Variants in FAM83E observed in about 807,000 individuals in gnomAD.
FAM83E encodes the protein protein FAM83E.
Under a neutral mutation model 34.3 loss-of-function variants are expected in FAM83E, and 29 were observed. That is an observed-to-expected ratio of 0.85 (90% CI 0.63 to 1.15). The LOEUF is 1.15. Among genes scored for constraint, FAM83E ranks in the 50% most tolerant of loss-of-function variants. The pLI is 0.00. For synonymous variants in FAM83E, 312 were observed against 311.6 expected (o/e 1.00, Z -0.01); for missense variants, 697 against 685.0 (o/e 1.02, Z -0.20).
rs1974025688 is a variant in FAM83E, at chr19:48,610,738, T to C, written c.575A>G (p.Gln192Arg). 1 of 1,587,610 alleles carries C rather than the reference T, an allele frequency of 6.3e-7. No homozygotes were observed. ...VPVYLLLDRQ[Q>R]LPAFLELAQQ... Reference sequence around the variant, plus strand: ...GGCCAGTTCCAGGAAGGCAGGCAGCTGCTGGCGGTCCAGGAGCAGGTAGAC... The same window carrying C: ...GGCCAGTTCCAGGAAGGCAGGCAGCCGCTGGCGGTCCAGGAGCAGGTAGAC... Residue 192 changes from glutamine (Q) to arginine (R), a missense_variant, in exon 4 of 7, where the codon CAG (glutamine) becomes CGG (arginine). Coordinates refer to ENST00000263266, the MANE Select transcript of FAM83E (RefSeq NM_017708.4).
rs1276345758 is a variant in FAM83E, at chr19:48,601,156, T to G, written c.1390A>C (p.Arg464=). The stretch of plus-strand genomic sequence containing the variant: ...GCCCGGGGGGCCCAGTCTGACGGCC[T>G]GACGCCTCTGGGCTCTTGAAGTTTG... ...TFKLQEPRGV[R]PSDWAPRAGL... Residue 464 remains arginine (R), a synonymous_variant, in exon 7 of 7, where the codon AGG becomes CGG. Transcript: ENST00000263266. The G allele has an allele frequency of 6.2e-7, 1 of 1,613,220 alleles. No homozygotes were observed. Among genetic ancestry groups the G allele is most frequent in the Admixed American group, 1.7e-5 (1 of 59,888 alleles).
intron 3 of FAM83E, among the ~76,000 whole-genome samples, chr19:48,611,162 T>TGTG (rs780748253): frequency 6.6e-6 from 1 of 151,270 alleles, no homozygotes; most frequent in Non-Finnish European, 1.5e-5. Flanking sequence ...TTGTTGTTGT[T>TGTG]GTTTTTTGTT....
chr19:48,602,942 C>G (rs7251776), intron 6 of FAM83E, among the ~76,000 whole-genome samples: 8,919 of 149,438 alleles, frequency 0.06, 901 homozygotes, highest in African/African-American at 0.2. Context: ...ACCGCCGCCT[C>G]CCTGGCTCAA....
At position 48,614,698 on chromosome 19, in the gene FAM83E, C is replaced by T. The variant is rs1974115240; in HGVS notation, c.-1256+10G>A. The T allele has an allele frequency of 2.0e-5, 20 of 985,288 alleles. No homozygotes were observed. The highest frequency in any genetic ancestry group is 1.1e-4 in the East Asian group (1 of 8,780). The allele number at this position is 985,288 out of a possible 1,614,324, so 61.0% of individuals were successfully genotyped here. On this transcript the variant is annotated intron_variant, in intron 2 of 6. Transcript: ENST00000263266. Reference sequence around the variant, plus strand: ...CACCCTCACCCATCCCCCCCATCGCCGGGGCTCACCCACACCGGCTAGTGC... The same window carrying T: ...CACCCTCACCCATCCCCCCCATCGCTGGGGCTCACCCACACCGGCTAGTGC...
intron 3 of FAM83E, 143 bp downstream of exon 3, chr19:48,612,765 G>T (rs1974066371): frequency 2.1e-6 from 2 of 949,310 alleles, no homozygotes; most frequent in African/African-American, 3.3e-5. Context: ...CCTGGGGCTG[G>T]AAGGTGTGCA....
rs1568420921 is a variant in FAM83E at position 48,609,978 on chromosome 19, C to T, written c.656G>A (p.Arg219Gln). ...NTENVDVRVV[R>Q]GCSFQSRWRR... is the part of the protein sequence containing the mutation. ...CCAGCGGCTCTGGAAGCTGCAGCCC[C>T]GCACGACACGGACATCCACGTTCTG... Residue 219 changes from arginine (R) to glutamine (Q), a missense_variant, in exon 5 of 7, where the codon CGG (arginine) becomes CAG (glutamine). Transcript: ENST00000263266. 1.9e-6 allele frequency: 3 copies of T among 1,612,604 alleles called. No individual in the cohort carries two copies. The highest frequency in any genetic ancestry group is 1.7e-5 in the Admixed American group (1 of 60,008).
Position 48,600,984 on chromosome 19 carries a change from C to T in FAM83E, c.*125G>A, listed in dbSNP as rs1973799902. 6.8e-7 allele frequency: 1 copy of T among 1,476,122 alleles called. No individual in the cohort carries two copies. Among genetic ancestry groups the T allele is most frequent in the Non-Finnish European group, 8.9e-7 (1 of 1,121,158 alleles). The allele number at this position is 1,476,122 out of a possible 1,614,324, so 91.4% of individuals were successfully genotyped here. A position where few individuals can be genotyped will look rare whatever the true frequency, so the allele number is the denominator to read the frequency against. On this transcript the variant is annotated 3_prime_UTR_variant, in exon 7 of 7. Coordinates refer to ENST00000263266, the MANE Select transcript of FAM83E (RefSeq NM_017708.4). Reference sequence around the variant, plus strand: ...GCAGAACAAGTGACAAACATCCCTTCTGCTTGACAGACGCCGAGGCCAGAA... The same window carrying T: ...GCAGAACAAGTGACAAACATCCCTTTTGCTTGACAGACGCCGAGGCCAGAA...
In FAM83E at chr19:48,614,694, T is replaced by TCACCCATCCCCCCCAA; in HGVS notation, c.-1256+13_-1256+14insTTGGGGGGGATGGGTG. On this transcript the variant is annotated intron_variant, in intron 2 of 6. Transcript: ENST00000263266. ...GCCCCACCCTCACCCATCCCCCCCA[T>TCACCCATCCCCCCCAA]CGCCGGGGCTCACCCACACCGGCTA... is the stretch of plus-strand genomic sequence containing the variant. 1.4e-5 allele frequency: 4 copies of TCACCCATCCCCCCCAA among 295,528 alleles called. No homozygotes were observed. The highest frequency in any genetic ancestry group is 1.4e-5 in the Non-Finnish European group (3 of 212,042). 18.3% of individuals were successfully genotyped at this position (295,528 alleles called of 1,614,324 possible). A position where few individuals can be genotyped will look rare whatever the true frequency, so the allele number is the denominator to read the frequency against.
At chr19:48,601,475 T>G in intron 6 of FAM83E, 106 bp from the exon 7 acceptor site, 1 of 1,483,466 alleles carries the variant, frequency 6.7e-7, no homozygotes, top group Non-Finnish European at 9.0e-7. Context: ...GCAGCGAAAG[T>G]GACAGACGGC....
chr19:48,601,388 G>T lies in FAM83E; in HGVS notation c.1177-19C>A. 6.4e-7 allele frequency: 1 copy of T among 1,555,608 alleles called. No individual in the cohort carries two copies. Among genetic ancestry groups the T allele is most frequent in the South Asian group, 1.2e-5 (1 of 84,404 alleles). ...TCTTGAGCTGTGGAGGGAAAGAGAG[G>T]GAGGTGAGAGGAGGCTGGGGTGGGG... is the stretch of plus-strand genomic sequence containing the variant. On this transcript the variant is annotated intron_variant, in intron 6 of 6. Coordinates refer to ENST00000263266, the MANE Select transcript of FAM83E (RefSeq NM_017708.4).
At chr19:48,606,792 C>T in intron 5 of FAM83E, 1 of 672,088 alleles carries the variant, frequency 1.5e-6, no homozygotes, top group South Asian at 2.0e-5. Context: ...CACCTCCATC[C>T]CCAGGACTTA....
intron 3 of FAM83E, among the ~76,000 whole-genome samples, chr19:48,611,962 G>T (rs773205936): frequency 1.4e-4 from 21 of 152,138 alleles, no homozygotes; most frequent in South Asian, 4.1e-4. Context: ...CCACCGTGGC[G>T]AACTTGGGGG....
intron 3 of FAM83E, among the ~76,000 whole-genome samples, chr19:48,611,870 C>T (rs533393362): frequency 6.6e-6 from 1 of 152,152 alleles, no homozygotes; most frequent in Admixed American, 6.5e-5. Flanking sequence ...GGTGGATGTC[C>T]CGTAGGGCAC....
At chr19:48,609,339 G>A (rs959327932) in intron 5 of FAM83E, among the ~76,000 whole-genome samples, 2 of 139,480 alleles carry the variant, frequency 1.4e-5, no homozygotes, top group South Asian at 2.5e-4. Flanking sequence ...GTGCGACAGC[G>A]CGATCTCGGC....
chr19:48,607,287 G>A (rs1376100584), intron 5 of FAM83E: 15 of 1,599,758 alleles, frequency 9.4e-6, no homozygotes, highest in Non-Finnish European at 1.3e-5. Flanking sequence ...CGAGCAGCCA[G>A]ACAGTGGGGG....
At position 48,600,800 on chromosome 19, in the gene FAM83E, C is replaced by T. The variant is rs1183120390; in HGVS notation, c.*309G>A. 5.5e-5 allele frequency: 15 copies of T among 270,374 alleles called. No individual in the cohort carries two copies. The highest frequency in any genetic ancestry group is 1.3e-3 in the Middle Eastern group (1 of 770). The allele number at this position is 270,374 out of a possible 1,614,324, so 16.7% of individuals were successfully genotyped here. On this transcript the variant is annotated 3_prime_UTR_variant, in exon 7 of 7. Transcript: ENST00000263266. The stretch of plus-strand genomic sequence containing the variant: ...CTGCGTAGCTGGGACCACAGGCGTG[C>T]GCCACCACACCCAACTAATTTGTTT...
chr19:48,602,755 C>CTATATT (rs1973849365), intron 6 of FAM83E, among the ~76,000 whole-genome samples: 1 of 79,924 alleles, frequency 1.3e-5, no homozygotes, highest in Non-Finnish European at 2.3e-5. Flanking sequence ...ATATATATAG[C>CTATATT]TTTCTTTGGC....
rs1201698621 is a variant in FAM83E, at chr19:48,601,369, G to A, written c.1177C>T (p.Leu393Phe). 3.8e-6 allele frequency: 6 copies of A among 1,561,234 alleles called. No homozygotes were observed. The highest frequency in any genetic ancestry group is 5.2e-6 in the Non-Finnish European group (6 of 1,152,074). ...TCCTTGGAGCCCCAGGATTTCTTGAGCTGTGGAGGGAAAGAGAGGGAGGTG... is the reference window on the plus strand; with the variant it reads ...TCCTTGGAGCCCCAGGATTTCTTGAACTGTGGAGGGAAAGAGAGGGAGGTG... ...LSGSSDGDNELKKSWGSKDTP... is the reference protein window; with the variant it reads ...LSGSSDGDNEFKKSWGSKDTP... Residue 393 changes from leucine to phenylalanine, a missense_variant and splice_region_variant, in exon 7 of 7, where the codon CTC becomes TTC. By Grantham distance (22) the Leu-to-Phe change is conservative. Coordinates refer to ENST00000263266, the MANE Select transcript of FAM83E (RefSeq NM_017708.4).
In FAM83E at chr19:48,600,817, A is replaced by G; in HGVS notation, c.*292T>C. On this transcript the variant is annotated 3_prime_UTR_variant, in exon 7 of 7. Transcript: ENST00000263266. ...CAGGCGTGCGCCACCACACCCAACT[A>G]ATTTGTTTTTTTAATTGTAGAGATG... 6.4e-6 allele frequency: 2 copies of G among 313,800 alleles called. No individual in the cohort carries two copies. Among genetic ancestry groups the G allele is most frequent in the Non-Finnish European group, 1.1e-5 (2 of 183,112 alleles). 19.4% of individuals were successfully genotyped at this position (313,800 alleles called of 1,614,324 possible).
Sources: allele counts gnomAD v4.1 joint callset (sites outside exome capture counted in the v4.1 genomes callset), GRCh38; gene constraint gnomAD v4.1.1; transcripts MANE v1.5; gene names NCBI Gene and HGNC (gene_info 2026-07-23, HGNC 2026-07-21).